Variants in GCNA observed in about 807,000 individuals in gnomAD.
The protein encoded by GCNA is germ cell nuclear acidic peptidase.
In GCNA, 3 loss-of-function variants were observed where a neutral mutation model predicts 38.8. That is an observed-to-expected ratio of 0.08 (90% CI 0.04 to 0.20). The LOEUF (loss-of-function observed/expected upper bound fraction) is 0.20. GCNA is among the 10% of genes least tolerant of loss of function. The pLI, the probability that GCNA is intolerant of heterozygous loss-of-function variation, is 1.00. For missense variants in GCNA, 446 were observed against 578.6 expected (o/e 0.77, Z 2.35); for synonymous variants, 195 against 240.2 (o/e 0.81, Z 1.74).
At position 71,592,128 on chromosome X, in the gene GCNA, C is replaced by A. The variant is rs140131381; in HGVS notation, c.66C>A (p.Ile22=). 12 of 1,202,999 alleles carry A rather than the reference C, an allele frequency of 1.0e-5. No homozygotes were observed. The Admixed American group carries it at 2.4e-4, about 24-fold the overall frequency. The part of the protein sequence containing the change: ...QEPEEDEDCY[I]LNVQSSSDDT... ...ATCTCTTTTATTTTTGCAGTTACAT[C>A]CTTAATGTTCAGTCAAGCAGTGATG... The change falls in exon 3 of 13, where the codon ATC becomes ATA. Residue 22 remains isoleucine, a synonymous_variant. Coordinates refer to ENST00000373696, the MANE Select transcript of GCNA (RefSeq NM_052957.5).
At chrX:71,602,616 T>C (rs890950390) in intron 7 of GCNA, among the ~76,000 whole-genome samples, 2 of 112,426 alleles carry the variant, frequency 1.8e-5, no homozygotes, top group Admixed American at 9.4e-5. Context: ...CATTTTTTCA[T>C]TGGATTATTA....
In GCNA at chrX:71,604,327, TGAA is replaced by T; in HGVS notation, c.1056_1058del (p.Glu353del). 1 of 1,212,080 alleles carries T rather than the reference TGAA, an allele frequency of 8.3e-7. No individual in the cohort carries two copies. Among genetic ancestry groups the T allele is most frequent in the Admixed American group, 2.2e-5 (1 of 46,077 alleles). ...GTAATGAAGGCCAAATTGCTTCAGA[TGAA>T]GAAGAGCTGGTTGAGGCTGCTGCTG... is the stretch of plus-strand genomic sequence containing the variant. On this transcript the variant is annotated inframe_deletion, in exon 8 of 13. Transcript: ENST00000373696.
In GCNA at chrX:71,593,890, G is replaced by T. The variant is rs757777968; in HGVS notation, c.141-441G>T. 6.7e-4 allele frequency among the ~76,000 whole-genome samples: 71 copies of T among 106,688 alleles called. 1 individual carries two copies. The highest frequency in any genetic ancestry group is 2.3e-3 in the African/African-American group (67 of 29,024). 92.6% of individuals were successfully genotyped at this position (106,688 alleles called of 115,157 possible). The stretch of plus-strand genomic sequence containing the variant: ...TTTAGAGACAGGGTCTTGCTGTGTC[G>T]CCCACACTGCAGTGCAGTGGCACCA... On this transcript the variant is annotated intron_variant, in intron 4 of 12. Transcript: ENST00000373696.
At chrX:71,595,087 G>T (rs2040660352) in intron 6 of GCNA, among the ~76,000 whole-genome samples, 1 of 111,160 alleles carries the variant, frequency 9.0e-6, no homozygotes, top group African/African-American at 3.3e-5. Context: ...TTTTATTTTT[G>T]TTTTTAGATT....
At chrX:71,594,541 G>A (rs1368150329) in intron 5 of GCNA, among the ~76,000 whole-genome samples, 164 bp downstream of exon 5, 8 of 97,162 alleles carry the variant, frequency 8.2e-5, no homozygotes, top group African/African-American at 3.0e-4. Flanking sequence ...AGTGGAGGAG[G>A]TTCTCTGCTT....
intron 7 of GCNA, among the ~76,000 whole-genome samples, chrX:71,598,441 A>G (rs1465993681): frequency 1.8e-5 from 2 of 112,014 alleles, no homozygotes; most frequent in Non-Finnish European, 3.8e-5. Context: ...GGCCTGGCTC[A>G]TTCTTCCTTC....
intron 4 of GCNA, among the ~76,000 whole-genome samples, chrX:71,593,183 T>C (rs2147717969): frequency 8.9e-6 from 1 of 112,436 alleles, no homozygotes; most frequent in African/African-American, 3.2e-5. Flanking sequence ...CGTGAACCAC[T>C]GCACCTGGCC....
intron 2 of GCNA, among the ~76,000 whole-genome samples, chrX:71,587,202 A>G (rs1480342147): frequency 9.1e-6 from 1 of 110,082 alleles, no homozygotes; most frequent in Non-Finnish European, 1.9e-5. Context: ...CGGAGAGTCT[A>G]GTATGGTTGC....
Position 71,604,471 on chromosome X carries a change from A to G in GCNA, c.1194A>G (p.Pro398=), listed in dbSNP as rs1602182166. ...CTGAAGTTTCAGAGAGAAAGCTGCC[A>G]ACTGAGGAAGAGCCTGCACCTGTGG... ...ANPEVSERKL[P]TEEEPAPVVE... Residue 398 remains proline (P), a synonymous_variant, in exon 8 of 13, where the codon CCA becomes CCG. Transcript: ENST00000373696. The G allele has an allele frequency of 1.0e-5, 12 of 1,205,909 alleles. No homozygotes were observed. Among genetic ancestry groups the G allele is most frequent in the African/African-American group, 1.7e-5 (1 of 57,746 alleles).
At chrX:71,583,356 C>G (rs1215701314) in intron 2 of GCNA, among the ~76,000 whole-genome samples, 1 of 110,614 alleles carries the variant, frequency 9.0e-6, no homozygotes, top group Non-Finnish European at 1.9e-5. Context: ...GTGGCTCACG[C>G]CTGTAATCCT....
At position 71,601,362 on chromosome X, in the gene GCNA, G is replaced by A. The variant is rs550234035; in HGVS notation, c.311-2226G>A. 3.7e-5 allele frequency among the ~76,000 whole-genome samples: 4 copies of A among 109,300 alleles called. No homozygotes were observed. The East Asian group carries it at 8.7e-4, about 24-fold the overall frequency. The allele number at this position is 109,300 out of a possible 115,157, so 94.9% of individuals were successfully genotyped here. Reference sequence around the variant, plus strand: ...CTCAAACAACAACAACAACAACAACGAGAAAAAAACGTGAAATTTGTCTTT... The same window carrying A: ...CTCAAACAACAACAACAACAACAACAAGAAAAAAACGTGAAATTTGTCTTT... On this transcript the variant is annotated intron_variant, in intron 7 of 12. Transcript: ENST00000373696.
At chrX:71,612,701 T>G in intron 12 of GCNA, 142 bp downstream of exon 12, 1 of 920,383 alleles carries the variant, frequency 1.1e-6, no homozygotes, top group Non-Finnish European at 1.5e-6. Context: ...CTCCTTTCTC[T>G]TCCGTAATTT....
At chrX:71,606,700 G>C (rs997172734) in intron 9 of GCNA, among the ~76,000 whole-genome samples, 1 of 111,982 alleles carries the variant, frequency 8.9e-6, no homozygotes, top group Admixed American at 9.5e-5. Flanking sequence ...GTCTGTTTCT[G>C]CACTGGCTTA....
intron 2 of GCNA, among the ~76,000 whole-genome samples, chrX:71,584,724 T>C (rs930286965): frequency 1.0e-4 from 11 of 109,031 alleles, no homozygotes; most frequent in Admixed American, 9.7e-4. Context: ...CAAATTTAGC[T>C]GGGCGTGGTG....
intron 2 of GCNA, 26 bp downstream of exon 2, chrX:71,580,906 TTTTAG>T (rs2040542341): frequency 8.5e-7 from 1 of 1,173,860 alleles, no homozygotes. Flanking sequence ...TTCTGTTTTC[TTTTAG>T]TTTAGTGTTA....
chrX:71,589,676 A>G (rs758522615), intron 2 of GCNA, among the ~76,000 whole-genome samples: 1 of 108,217 alleles, frequency 9.2e-6, no homozygotes, highest in Non-Finnish European at 1.9e-5. Context: ...ATGTTGGCCC[A>G]GCTGGTCTCA....
At chrX:71,601,796 C>T (rs959376135) in intron 7 of GCNA, among the ~76,000 whole-genome samples, 1 of 111,758 alleles carries the variant, frequency 8.9e-6, no homozygotes, top group Admixed American at 9.4e-5. Flanking sequence ...TCCGTGCGCC[C>T]TGGCCTCCCA....
intron 2 of GCNA, among the ~76,000 whole-genome samples, chrX:71,581,483 C>G (rs1340201635): frequency 9.0e-6 from 1 of 111,442 alleles, no homozygotes; most frequent in Non-Finnish European, 1.9e-5. Context: ...GATATGCATG[C>G]AAGGGTATGA....
chrX:71,609,242 C>T, intron 10 of GCNA, 125 bp downstream of exon 10: 1 of 648,006 alleles, frequency 1.5e-6, no homozygotes, highest in Non-Finnish European at 2.4e-6. Flanking sequence ...GGGAGATGAG[C>T]CCTGGTACAG....
Sources: gnomAD v4.1 joint callset for allele counts (sites outside exome capture counted in the v4.1 genomes callset) on GRCh38, gnomAD v4.1.1 for gene constraint, MANE v1.5 for transcripts, NCBI Gene and HGNC (gene_info 2026-07-23, HGNC 2026-07-21) for gene names.